Variants in TMED5 observed in about 807,000 individuals in gnomAD.
TMED5 encodes the protein transmembrane emp24 domain-containing protein 5.
TMED5 carries 27 observed loss-of-function variants against 23.0 expected under a neutral mutation model. The ratio of observed to expected loss-of-function variants is 1.17; its 90% CI spans 0.86 to 1.62. The LOEUF is 1.62. Ranked by LOEUF, TMED5 falls within the 40% of genes most tolerant of loss-of-function variation. TMED5 has a pLI of 0.00. For synonymous variants in TMED5, 97 were observed against 100.8 expected, an observed-to-expected ratio of 0.96 and a Z score of 0.23; for missense variants, 248 against 273.7, an observed-to-expected ratio of 0.91 and a Z score of 0.66.
chr1:93,179,384 AAC>A (rs1416633734), intron 1 of TMED5, among the ~76,000 whole-genome samples: 12 of 152,072 alleles, frequency 7.9e-5, no homozygotes, highest in South Asian at 6.2e-4. Context: ...AAAAAAAAAA[AAC>A]AATGACACGA....
At position 93,172,314 on chromosome 1, in the gene TMED5, C is replaced by CA. The variant is rs906433082; in HGVS notation, c.189+7739dup. 1.3e-3 allele frequency among the ~76,000 whole-genome samples: 189 copies of CA among 149,378 alleles called. 3 individuals carry two copies. The highest frequency in any genetic ancestry group is 1.7e-3 in the Non-Finnish European group (116 of 67,224). On this transcript the variant is annotated intron_variant, in intron 1 of 3. Transcript: ENST00000370282. ...CCATGTAGAAATCCTAAAGAACTGC[C>CA]AAAAAAAAACCCGTCCCGGAACTAA...
At position 93,152,049 on chromosome 1, in the gene TMED5, G is replaced by GT. The variant is rs955011074; in HGVS notation, c.*2620dup. 6.6e-6 allele frequency: 1 copy of GT among 152,580 alleles called. No homozygotes were observed. Among genetic ancestry groups the GT allele is most frequent in the Non-Finnish European group, 1.5e-5 (1 of 68,016 alleles). 9.5% of individuals were successfully genotyped at this position (152,580 alleles called of 1,614,324 possible). ...TTTTCATTTGAGGAGACATACAATT[G>GT]TAAGTGCTCATTTTTTGTCAATTTT... On this transcript the variant is annotated 3_prime_UTR_variant, in exon 4 of 4. Coordinates refer to ENST00000370282, the MANE Select transcript of TMED5 (RefSeq NM_016040.5).
chr1:93,170,964 TAAG>T (rs1346215384), intron 1 of TMED5, among the ~76,000 whole-genome samples: 1 of 152,140 alleles, frequency 6.6e-6, no homozygotes, highest in Non-Finnish European at 1.5e-5. Context: ...TGGGGCCAGA[TAAG>T]AGAATTAAAG....
intron 1 of TMED5, chr1:93,161,541 T>G (rs1648276373): frequency 6.6e-6 from 1 of 152,236 alleles, no homozygotes; most frequent in Non-Finnish European, 1.5e-5. Flanking sequence ...GTTATTTATA[T>G]CCTACTGCTC....
intron 2 of TMED5, among the ~76,000 whole-genome samples, chr1:93,159,508 C>G (rs1238047532): frequency 5.9e-5 from 9 of 151,830 alleles, no homozygotes; most frequent in Non-Finnish European, 1.3e-4. Flanking sequence ...GGAAACATAC[C>G]AGTGAGATAT....
intron 1 of TMED5, among the ~76,000 whole-genome samples, chr1:93,169,716 T>A (rs1648638647): frequency 1.3e-5 from 2 of 151,314 alleles, no homozygotes; most frequent in Admixed American, 6.6e-5. Context: ...ATATCAGAAA[T>A]AAAAGCTGGG....
chr1:93,154,744 T>C lies in TMED5; in HGVS notation c.616A>G (p.Met206Val). Residue 206 changes from methionine to valine, a missense_variant, in exon 4 of 4, where the codon ATG (methionine) becomes GTG (valine). By Grantham distance (21) the Met-to-Val change is conservative (BLOSUM62 1). Transcript: ENST00000370282. ...NFWSMVNLVV[M>V]VVVSAIQVYM... Reference sequence around the variant, plus strand: ...ACTTGAATGGCTGACACCACCACCATGACCACTAAATTAACCATAGACCAG... The same window carrying C: ...ACTTGAATGGCTGACACCACCACCACGACCACTAAATTAACCATAGACCAG... 1 of 1,614,124 alleles carries C rather than the reference T, an allele frequency of 6.2e-7. No individual in the cohort carries two copies.
At chr1:93,160,305 G>A (rs1183122432) in intron 1 of TMED5, 79 bp from the exon 2 acceptor site, 4 of 804,040 alleles carry the variant, frequency 5.0e-6, no homozygotes, top group African/African-American at 3.5e-5. Context: ...ATCATATGAT[G>A]TAAAGATTAT....
At chr1:93,172,843 G>A (rs1932314) in intron 1 of TMED5, among the ~76,000 whole-genome samples, 75,912 of 151,936 alleles carry the variant, frequency 0.5, 22,348 homozygotes, top group South Asian at 0.68. Flanking sequence ...TCAAGACATA[G>A]AAACAACCTA....
chr1:93,166,602 AATTAG>A (rs144923630), intron 1 of TMED5, among the ~76,000 whole-genome samples: 14,637 of 152,018 alleles, frequency 0.096, 944 homozygotes, highest in East Asian at 0.28. Context: ...CCTATTTTTA[AATTAG>A]ATTAGATTTT....
Position 93,180,373 on chromosome 1 carries a change from C to T in TMED5, c.-131G>A, listed in dbSNP as rs1649311588. On this transcript the variant is annotated 5_prime_UTR_variant, in exon 1 of 4. Coordinates refer to ENST00000370282, the MANE Select transcript of TMED5 (RefSeq NM_016040.5). Reference sequence around the variant, plus strand: ...AAGAAACTCCAGGTGGCGGCCGCGGCGGCGGCGAACACTCCCTCCGAAAGA... The same window carrying T: ...AAGAAACTCCAGGTGGCGGCCGCGGTGGCGGCGAACACTCCCTCCGAAAGA... 9 of 1,281,846 alleles carry T rather than the reference C, an allele frequency of 7.0e-6. No homozygotes were observed. The highest frequency in any genetic ancestry group is 9.6e-6 in the Non-Finnish European group (9 of 939,904). The allele number at this position is 1,281,846 out of a possible 1,614,324, so 79.4% of individuals were successfully genotyped here. A position where few individuals can be genotyped will look rare whatever the true frequency, so the allele number is the denominator to read the frequency against.
intron 1 of TMED5, among the ~76,000 whole-genome samples, chr1:93,174,812 G>A (rs376845199): frequency 6.6e-6 from 1 of 152,226 alleles, no homozygotes; most frequent in African/African-American, 2.4e-5. Context: ...TCCCACAAAA[G>A]ACATGATCTC....
At position 93,180,361 on chromosome 1, in the gene TMED5, T is replaced by C. The variant is rs1557584287; in HGVS notation, c.-119A>G. 2 of 1,345,282 alleles carry C rather than the reference T, an allele frequency of 1.5e-6. No individual in the cohort carries two copies. The highest frequency in any genetic ancestry group is 3.0e-5 in the African/African-American group (2 of 65,870). 83.3% of individuals were successfully genotyped at this position (1,345,282 alleles called of 1,614,324 possible). ...ATCTGGAGTCTGAAGAAACTCCAGG[T>C]GGCGGCCGCGGCGGCGGCGAACACT... On this transcript the variant is annotated 5_prime_UTR_variant, in exon 1 of 4. Transcript: ENST00000370282.
chr1:93,152,394 C>T lies in TMED5; in HGVS notation c.*2276G>A, dbSNP rs1207299653. On this transcript the variant is annotated 3_prime_UTR_variant, in exon 4 of 4. Transcript: ENST00000370282. ...GTGAAATTAAAAAAAGCATATGAAG[C>T]AGATAAACAGTATGTCTTTAGAAAT... 1 of 152,208 alleles carries T rather than the reference C, an allele frequency of 6.6e-6. No individual in the cohort carries two copies. Among genetic ancestry groups the T allele is most frequent in the Non-Finnish European group, 1.5e-5 (1 of 67,996 alleles). The allele number at this position is 152,208 out of a possible 1,614,324, so 9.4% of individuals were successfully genotyped here. A position where few individuals can be genotyped will look rare whatever the true frequency, so the allele number is the denominator to read the frequency against.
chr1:93,171,832 C>T (rs1411447760), intron 1 of TMED5, among the ~76,000 whole-genome samples: 2 of 152,124 alleles, frequency 1.3e-5, no homozygotes, highest in Non-Finnish European at 2.9e-5. Context: ...AAAGCTGATT[C>T]GACAATGTAA....
At chr1:93,163,981 CAA>C (rs564350861) in intron 1 of TMED5, among the ~76,000 whole-genome samples, 9 of 56,474 alleles carry the variant, frequency 1.6e-4, no homozygotes, top group Admixed American at 2.1e-4. Flanking sequence ...GACTCCATCT[CAA>C]AAAAAAAAAA....
chr1:93,167,079 A>G (rs1648537557), intron 1 of TMED5, among the ~76,000 whole-genome samples: 1 of 152,044 alleles, frequency 6.6e-6, no homozygotes, highest in African/African-American at 2.4e-5. Context: ...GTAAGTGTAT[A>G]GGTTTGTTTC....
intron 1 of TMED5, among the ~76,000 whole-genome samples, chr1:93,170,291 G>A (rs374038542): frequency 2.6e-5 from 4 of 152,336 alleles, no homozygotes; most frequent in African/African-American, 7.2e-5. Context: ...TGGGAACTGG[G>A]GCTGCGCGTG....
chr1:93,160,474 A>G (rs1464688156), intron 1 of TMED5: 1 of 311,684 alleles, frequency 3.2e-6, no homozygotes, highest in African/African-American at 2.1e-5. Flanking sequence ...TACTGAAATA[A>G]ATCTTCCTAA....
Sources: allele counts gnomAD v4.1 joint callset (sites outside exome capture counted in the v4.1 genomes callset), GRCh38; gene constraint gnomAD v4.1.1; transcripts MANE v1.5; gene names NCBI Gene and HGNC (gene_info 2026-07-23, HGNC 2026-07-21).